Variants in PIEZO1 observed in about 807,000 individuals in gnomAD.
The protein encoded by PIEZO1 is piezo type mechanosensitive ion channel component 1 (Er blood group), also known as piezo-type mechanosensitive ion channel component 1.
PIEZO1 carries 296 observed loss-of-function variants against 297.2 expected under a neutral mutation model. That is an observed-to-expected ratio of 1.00 (90% confidence interval 0.91 to 1.10). The LOEUF is 1.10. Ranked by LOEUF, PIEZO1 falls within the 50% of genes least tolerant of loss-of-function variation. The pLI, the probability that PIEZO1 is intolerant of heterozygous loss-of-function variation, is 0.00. For synonymous variants in PIEZO1, 2,427 were observed against 1,507.5 expected (o/e 1.61, Z -14.13); for missense variants, 5,018 against 3,455.5 (o/e 1.45, Z -11.34).
At position 88,722,345 on chromosome 16, in the gene PIEZO1, G is replaced by A. The variant is rs1457190517; in HGVS notation, c.4828C>T (p.Pro1610Ser). 2 of 1,537,516 alleles carry A rather than the reference G, an allele frequency of 1.3e-6. No individual in the cohort carries two copies. Among genetic ancestry groups the A allele is most frequent in the East Asian group, 2.5e-5 (1 of 40,804 alleles). The stretch of plus-strand genomic sequence containing the variant: ...CGCGTGTGGTAGCCGGTGCTCAGGG[G>A]GCTGCCCATGTCGTCTGTCATGCTG... ...LSSMTDDMGSPLSTGYHTRSG... is the reference protein window; with the variant it reads ...LSSMTDDMGSSLSTGYHTRSG... Residue 1610 changes from proline to serine, a missense_variant, in exon 36 of 51, where the codon CCC becomes TCC. Pro to Ser is a moderately conservative substitution (Grantham distance 74, BLOSUM62 -1). Coordinates refer to ENST00000301015, the MANE Select transcript of PIEZO1 (RefSeq NM_001142864.4).
Position 88,720,081 on chromosome 16 carries a change from G to A in PIEZO1, c.6152C>T (p.Ala2051Val). 3 of 1,550,354 alleles carry A rather than the reference G, an allele frequency of 1.9e-6. No individual in the cohort carries two copies. The highest frequency in any genetic ancestry group is 2.6e-6 in the Non-Finnish European group (3 of 1,146,960). The change falls in exon 42 of 51, where the codon GCC (alanine) becomes GTC (valine). Residue 2051 changes from alanine to valine, a missense_variant. Physicochemically the swap from Ala to Val is moderately conservative, Grantham distance 64. Transcript: ENST00000301015. ...IHLWMFFILP[A>V]VTERMFNQNV... ...CGCGTGGGCCCACCTCTCAGTGACG[G>A]CGGGCAGGATGAAGAACATCCATAG...
chr16:88,776,050 G>C (rs956664735), intron 1 of PIEZO1, among the ~76,000 whole-genome samples: 1 of 152,232 alleles, frequency 6.6e-6, no homozygotes, highest in African/African-American at 2.4e-5. Flanking sequence ...CCAGGCCCAC[G>C]GGCTACAAGC....
In PIEZO1 at chr16:88,721,319, C is replaced by T. The variant is rs77170706; in HGVS notation, c.5515G>A (p.Glu1839Lys). The T allele has an allele frequency of 5.4e-3, 8,364 of 1,546,264 alleles. 172 individuals are homozygous for T. Among genetic ancestry groups the T allele is most frequent in the East Asian group, 0.054 (2,203 of 40,910 alleles). Residue 1839 changes from glutamate to lysine, a missense_variant, in exon 39 of 51, where the codon GAA becomes AAA. Physicochemically the swap from Glu to Lys is moderately conservative, Grantham distance 56. Transcript: ENST00000301015. The part of the protein sequence containing the change: ...EGPGVPAATT[E>K]DHIQVEARVG... ...CTGGCTTCCACCTGAATGTGGTCTT[C>T]GGTGGTGGCCGCAGGCACCCCTGGC...
At position 88,733,984 on chromosome 16, in the gene PIEZO1, C is replaced by G. The variant is rs1005608662; in HGVS notation, c.2251G>C (p.Glu751Gln). 7.2e-6 allele frequency: 11 copies of G among 1,521,970 alleles called. No homozygotes were observed. The African/African-American group carries it at 1.4e-4, about 19-fold the overall frequency. The allele number at this position is 1,521,970 out of a possible 1,614,324, so 94.3% of individuals were successfully genotyped here. ...CTGGAGTCCTCCTCCTCCTCCTCCTCCTCCTGCTGCTGCTGCTGATGCTCC... is the reference window on the plus strand; with the variant it reads ...CTGGAGTCCTCCTCCTCCTCCTCCTGCTCCTGCTGCTGCTGCTGATGCTCC... ...QQEHQQQQQE[E>Q]EEEEEDSRDE... The change falls in exon 17 of 51, where the codon GAG (glutamate) becomes CAG (glutamine). Residue 751 changes from glutamate (E) to glutamine (Q), a missense_variant. Glu to Gln is a conservative substitution (Grantham distance 29). Transcript: ENST00000301015.
At chr16:88,739,484 T>C (rs923533741) in intron 5 of PIEZO1, 3 of 152,238 alleles carry the variant, frequency 2.0e-5, no homozygotes, top group Non-Finnish European at 4.4e-5. Context: ...TCGGGGGCTC[T>C]CCTGGTGGCT....
At chr16:88,775,849 A>C (rs1907637424) in intron 1 of PIEZO1, among the ~76,000 whole-genome samples, 1 of 152,182 alleles carries the variant, frequency 6.6e-6, no homozygotes, top group African/African-American at 2.4e-5. Flanking sequence ...CAAAAGACAA[A>C]AGACCCCATT....
Position 88,750,313 on chromosome 16 carries a change from G to A in PIEZO1, c.65-834C>T, listed in dbSNP as rs568522166. Among the ~76,000 whole-genome samples, 4 of 152,372 alleles carry A rather than the reference G, an allele frequency of 2.6e-5. No homozygotes were observed. In the South Asian group the frequency reaches 6.2e-4, roughly 24 times the overall value. On this transcript the variant is annotated intron_variant, in intron 1 of 50. Transcript: ENST00000301015. ...ATTGAGCCACTGCACTCCAGCCTGG[G>A]CGACAGAGCGAGACTCCATCTCAAA... is the stretch of plus-strand genomic sequence containing the variant.
chr16:88,721,043 C>G lies in PIEZO1; in HGVS notation c.5668+123G>C, dbSNP rs1032103740. 3.9e-5 allele frequency: 41 copies of G among 1,062,490 alleles called. No individual in the cohort carries two copies. In the African/African-American group the frequency reaches 5.6e-4, roughly 14 times the overall value. 65.8% of individuals were successfully genotyped at this position (1,062,490 alleles called of 1,614,324 possible). ...GGGAGCTGTGGCTCAGAAGTGGCAC[C>G]TTCCTGGGATCCAGGTGGGCCTCGC... On this transcript the variant is annotated intron_variant, in intron 39 of 50. Coordinates refer to ENST00000301015, the MANE Select transcript of PIEZO1 (RefSeq NM_001142864.4).
intron 44 of PIEZO1, chr16:88,719,280 G>A (rs1416466176): frequency 5.2e-6 from 2 of 382,760 alleles, no homozygotes; most frequent in East Asian, 9.7e-5. Flanking sequence ...CATTAAACAA[G>A]AATGCAGCAA....
At chr16:88,776,049 C>G (rs922386171) in intron 1 of PIEZO1, among the ~76,000 whole-genome samples, 1 of 152,206 alleles carries the variant, frequency 6.6e-6, no homozygotes, top group African/African-American at 2.4e-5. Context: ...GCCAGGCCCA[C>G]GGGCTACAAG....
At chr16:88,768,537 G>T (rs1907279117) in intron 1 of PIEZO1, among the ~76,000 whole-genome samples, 1 of 152,246 alleles carries the variant, frequency 6.6e-6, no homozygotes, top group South Asian at 2.1e-4. Context: ...ATTCCTAACA[G>T]CAGAGCGAGC....
rs1905267842 is a variant in PIEZO1 at position 88,737,046 on chromosome 16, C to A, written c.1196-307G>T. ...CAGGACCCCCACCCCAGGGCCGTGGCTTCATTTGCTTCATTCAGAAACACA... is the reference window on the plus strand; with the variant it reads ...CAGGACCCCCACCCCAGGGCCGTGGATTCATTTGCTTCATTCAGAAACACA... On this transcript the variant is annotated intron_variant, in intron 10 of 50. Coordinates refer to ENST00000301015, the MANE Select transcript of PIEZO1 (RefSeq NM_001142864.4). 4 of 294,312 alleles carry A rather than the reference C, an allele frequency of 1.4e-5. 1 individual carries two copies. The South Asian group carries it at 2.6e-4, about 19-fold the overall frequency. The allele number at this position is 294,312 out of a possible 1,614,324, so 18.2% of individuals were successfully genotyped here. A position where few individuals can be genotyped will look rare whatever the true frequency, so the allele number is the denominator to read the frequency against.
intron 2 of PIEZO1, chr16:88,743,733 G>C (rs575483976): frequency 2.3e-6 from 1 of 436,388 alleles, no homozygotes; most frequent in African/African-American, 2.0e-5. Context: ...CAGCCCTCAC[G>C]GATGCCCAGG....
At chr16:88,731,951 C>CGGGGGGAGGG (rs1904859599) in intron 21 of PIEZO1, 41 bp from the exon 22 acceptor site, 2 of 376,732 alleles carry the variant, frequency 5.3e-6, no homozygotes, top group Non-Finnish European at 5.1e-6. Flanking sequence ...TGCACTGAGT[C>CGGGGGGAGGG]TGGGGGGAGG....
In PIEZO1 at chr16:88,737,693, C is replaced by A. The variant is rs768938058; in HGVS notation, c.1107+35G>T. On this transcript the variant is annotated intron_variant, in intron 9 of 50. Coordinates refer to ENST00000301015, the MANE Select transcript of PIEZO1 (RefSeq NM_001142864.4). ...CCATGCACGGGCTGGCCGGGCGCCC[C>A]CCACGCTGGCGTCTCCACCTGCCTG... The A allele has an allele frequency of 5.7e-5, 88 of 1,533,418 alleles. No homozygotes were observed. The highest frequency in any genetic ancestry group is 3.5e-4 in the South Asian group (29 of 84,000). The allele number at this position is 1,533,418 out of a possible 1,614,324, so 95.0% of individuals were successfully genotyped here. A position where few individuals can be genotyped will look rare whatever the true frequency, so the allele number is the denominator to read the frequency against.
At chr16:88,724,007 G>T in intron 30 of PIEZO1, 36 bp from the exon 31 acceptor site, 1 of 1,281,184 alleles carries the variant, frequency 7.8e-7, no homozygotes, top group Non-Finnish European at 1.1e-6. Context: ...AGCCTTCCAT[G>T]CAGGGAGACT....
At chr16:88,733,855 G>A (rs1555555644) in intron 17 of PIEZO1, 51 bp downstream of exon 17, 2 of 1,465,806 alleles carry the variant, frequency 1.4e-6, no homozygotes, top group Non-Finnish European at 1.8e-6. Flanking sequence ...CCCGAGCTGG[G>A]ACATGGCACA....
chr16:88,719,430 G>A (rs1030294717), intron 44 of PIEZO1, 144 bp downstream of exon 44: 31 of 693,114 alleles, frequency 4.5e-5, no homozygotes, highest in Non-Finnish European at 7.1e-5. Flanking sequence ...ATCAGCTAGT[G>A]GGTGGGCTCG....
At chr16:88,755,968 G>A (rs367672467) in intron 1 of PIEZO1, among the ~76,000 whole-genome samples, 30 of 152,198 alleles carry the variant, frequency 2.0e-4, no homozygotes, top group African/African-American at 7.0e-4. Flanking sequence ...GGGAGGGCGG[G>A]GGCCACCCAG....
Sources: allele counts gnomAD v4.1 joint callset (sites outside exome capture counted in the v4.1 genomes callset), GRCh38; gene constraint gnomAD v4.1.1; transcripts MANE v1.5; gene names NCBI Gene and HGNC (gene_info 2026-07-23, HGNC 2026-07-21).